CBFA2T2: variants seen among roughly 807,000 people sequenced by gnomAD.
The protein encoded by CBFA2T2 is CBFA2/RUNX1 partner transcriptional co-repressor 2, also known as protein CBFA2T2.
Under a neutral mutation model 62.2 loss-of-function variants are expected in CBFA2T2, and 11 were observed. The ratio of observed to expected loss-of-function variants is 0.18; its 90% CI spans 0.11 to 0.29. The LOEUF (loss-of-function observed/expected upper bound fraction) is 0.29, where lower values mean the gene tolerates loss of function less well. Among genes scored for constraint, CBFA2T2 ranks in the 10% least tolerant of loss-of-function variants. The pLI is 1.00. For missense variants in CBFA2T2, 592 were observed against 774.1 expected (o/e 0.76, Z 2.79); for synonymous variants, 295 against 287.5 (o/e 1.03, Z -0.27).
At chr20:33,587,731 G>A (rs2014440984) in intron 1 of CBFA2T2, among the ~76,000 whole-genome samples, 1 of 152,158 alleles carries the variant, frequency 6.6e-6, no homozygotes, top group Non-Finnish European at 1.5e-5. Context: ...TTTCTTAACT[G>A]GACCTATGTG....
At chr20:33,509,919 C>T (rs907957313) in intron 1 of CBFA2T2, among the ~76,000 whole-genome samples, 3 of 151,764 alleles carry the variant, frequency 2.0e-5, no homozygotes, top group Non-Finnish European at 4.4e-5. Context: ...TTGCTGCACC[C>T]ATTAACTCGT....
Position 33,640,432 on chromosome 20 carries a change from A to G in CBFA2T2, c.1389A>G (p.Ala463=), listed in dbSNP as rs1248473770. 1.2e-6 allele frequency: 2 copies of G among 1,614,274 alleles called. No homozygotes were observed. The highest frequency in any genetic ancestry group is 1.3e-5 in the African/African-American group (1 of 75,082). Residue 463 remains alanine, a synonymous_variant, in exon 10 of 11, where the codon GCA becomes GCG. Transcript: ENST00000342704. The part of the protein sequence containing the change: ...EAEQKAFEVI[A]TERARMEQTI... ...AGCAGAAAGCCTTTGAAGTGATTGC[A>G]ACAGAGAGAGCACGAATGGAGCAAA...
chr20:33,611,667 C>T (rs1381577757), intron 3 of CBFA2T2, among the ~76,000 whole-genome samples: 2 of 152,104 alleles, frequency 1.3e-5, no homozygotes, highest in Middle Eastern at 3.4e-3. Context: ...ATGTGCATGC[C>T]GCCATGCCCA....
intron 1 of CBFA2T2, among the ~76,000 whole-genome samples, chr20:33,535,594 TG>T (rs1456323347): frequency 7.0e-6 from 1 of 143,382 alleles, no homozygotes; most frequent in African/African-American, 2.9e-5. Context: ...GGGCATGGAT[TG>T]AGTTTTATTT....
chr20:33,506,020 G>A (rs2067824418), intron 1 of CBFA2T2, among the ~76,000 whole-genome samples: 2 of 152,170 alleles, frequency 1.3e-5, no homozygotes, highest in Admixed American at 6.5e-5. Flanking sequence ...AACCCAGAAG[G>A]TGGAAGTTGC....
At chr20:33,539,001 G>A (rs1296409536) in intron 1 of CBFA2T2, among the ~76,000 whole-genome samples, 1 of 151,894 alleles carries the variant, frequency 6.6e-6, no homozygotes, top group African/African-American at 2.4e-5. Flanking sequence ...CCTCCACATT[G>A]GGATCAAATA....
chr20:33,549,040 A>G (rs2012658130), intron 1 of CBFA2T2, among the ~76,000 whole-genome samples: 1 of 152,210 alleles, frequency 6.6e-6, no homozygotes, highest in Non-Finnish European at 1.5e-5. Flanking sequence ...TGAGCTATAT[A>G]AAAGTGAAAC....
At chr20:33,518,318 A>G (rs913659189) in intron 1 of CBFA2T2, among the ~76,000 whole-genome samples, 9 of 152,284 alleles carry the variant, frequency 5.9e-5, no homozygotes, top group African/African-American at 2.2e-4. Context: ...TATTTTTCTC[A>G]GAATGACAAA....
intron 1 of CBFA2T2, among the ~76,000 whole-genome samples, chr20:33,539,853 AT>A (rs937071812): frequency 1.7e-4 from 25 of 148,224 alleles, no homozygotes; most frequent in African/African-American, 4.9e-4. Flanking sequence ...TGCCTGGATA[AT>A]TTTTTTTTTT....
intron 1 of CBFA2T2, among the ~76,000 whole-genome samples, chr20:33,499,635 C>T (rs534004644): frequency 3.5e-4 from 54 of 152,270 alleles, no homozygotes; most frequent in Middle Eastern, 3.4e-3. Context: ...TAAGCAGATA[C>T]GTCAGCCGAG....
chr20:33,553,393 A>AT (rs1262775393), intron 1 of CBFA2T2, among the ~76,000 whole-genome samples: 3 of 152,050 alleles, frequency 2.0e-5, no homozygotes, highest in African/African-American at 7.2e-5. Flanking sequence ...CGCCTGGCTA[A>AT]TTTTTTGTGT....
chr20:33,625,303 T>A (rs1035405642), intron 6 of CBFA2T2, among the ~76,000 whole-genome samples: 2 of 151,974 alleles, frequency 1.3e-5, no homozygotes, highest in African/African-American at 2.4e-5. Context: ...CTGGGCAACA[T>A]AGTGAGATCC....
intron 9 of CBFA2T2, 76 bp from the exon 10 acceptor site, chr20:33,640,265 T>A: frequency 7.5e-7 from 1 of 1,335,496 alleles, no homozygotes; most frequent in South Asian, 1.3e-5. Flanking sequence ...GTCAGCTCTC[T>A]CCTTACTTAG....
At chr20:33,600,793 T>TTCATCTCTTC (rs1431877761) in intron 1 of CBFA2T2, among the ~76,000 whole-genome samples, 13 of 152,194 alleles carry the variant, frequency 8.5e-5, no homozygotes, top group Non-Finnish European at 1.3e-4. Context: ...CCTCCCTACC[T>TTCATCTCTTC]TCATCTCTGA....
At chr20:33,535,619 T>A (rs974918089) in intron 1 of CBFA2T2, among the ~76,000 whole-genome samples, 4 of 145,058 alleles carry the variant, frequency 2.8e-5, no homozygotes, top group African/African-American at 1.1e-4. Flanking sequence ...TTTTTTTATT[T>A]TTTCTTTTTT....
Position 33,624,994 on chromosome 20 carries a change from T to C in CBFA2T2, c.923T>C (p.Val308Ala), listed in dbSNP as rs2016170774. Reference sequence around the variant, plus strand: ...AACAAGATGCTAGAGCATCGAGAAGTTCGTGATAGACACCACAGTCTTGGT... The same window carrying C: ...AACAAGATGCTAGAGCATCGAGAAGCTCGTGATAGACACCACAGTCTTGGT... ...EPNKMLEHRE[V>A]RDRHHSLGLN... Residue 308 changes from valine (V) to alanine (A), a missense_variant, in exon 6 of 11, where the codon GTT (valine) becomes GCT (alanine). By Grantham distance (64) the Val-to-Ala change is moderately conservative (BLOSUM62 0). Transcript: ENST00000342704. The C allele has an allele frequency of 5.0e-6, 8 of 1,613,944 alleles. No homozygotes were observed. In the East Asian group the frequency reaches 1.8e-4, roughly 36 times the overall value.
Position 33,644,693 on chromosome 20 carries a change from C to A in CBFA2T2, c.*47C>A, listed in dbSNP as rs1309402523. The A allele has an allele frequency of 6.5e-7, 1 of 1,539,108 alleles. No individual in the cohort carries two copies. The highest frequency in any genetic ancestry group is 8.8e-7 in the Non-Finnish European group (1 of 1,136,746). On this transcript the variant is annotated 3_prime_UTR_variant, in exon 11 of 11. Transcript: ENST00000342704. ...GATGGCTGCTCAGCACCACAGAGTGCTTGGGCTGAGGGACTGACTGTTGGA... is the reference window on the plus strand; with the variant it reads ...GATGGCTGCTCAGCACCACAGAGTGATTGGGCTGAGGGACTGACTGTTGGA...
At chr20:33,619,478 C>T in intron 3 of CBFA2T2, 39 bp from the exon 4 acceptor site, 1 of 1,196,916 alleles carries the variant, frequency 8.4e-7, no homozygotes, top group Non-Finnish European at 1.2e-6. Flanking sequence ...TTTTGGAAGT[C>T]CAGTTTTGGA....
intron 1 of CBFA2T2, among the ~76,000 whole-genome samples, chr20:33,501,075 T>C (rs1323797657): frequency 6.6e-6 from 1 of 152,236 alleles, no homozygotes; most frequent in Non-Finnish European, 1.5e-5. Flanking sequence ...CTATTTTGTG[T>C]TGTAATTAAA....
Sources: gnomAD v4.1 joint callset for allele counts (sites outside exome capture counted in the v4.1 genomes callset) on GRCh38, gnomAD v4.1.1 for gene constraint, MANE v1.5 for transcripts, NCBI Gene and HGNC (gene_info 2026-07-23, HGNC 2026-07-21) for gene names.